The following CFAP47 variants were observed in gnomAD, a reference collection of about 807,000 sequenced individuals.
The protein encoded by CFAP47 is cilia- and flagella-associated protein 47.
CFAP47 carries 29 observed loss-of-function variants against 148.1 expected under a neutral mutation model. That is an observed-to-expected ratio of 0.20 (90% CI 0.15 to 0.27). CFAP47 has a LOEUF of 0.27. CFAP47 is among the 10% of genes least tolerant of loss of function. The pLI, the probability that CFAP47 is intolerant of heterozygous loss-of-function variation, is 1.00. For synonymous variants in CFAP47, 664 were observed against 577.3 expected (o/e 1.15, Z -2.15); for missense variants, 1,872 against 1,697.5 (o/e 1.10, Z -1.81).
chrX:36,169,172 T>A lies in CFAP47; in HGVS notation c.6026+8403T>A, dbSNP rs188725782. 2.4e-3 allele frequency among the ~76,000 whole-genome samples: 269 copies of A among 111,072 alleles called. 4 individuals carry two copies. The highest frequency in any genetic ancestry group is 8.2e-3 in the African/African-American group (253 of 30,697). On this transcript the variant is annotated intron_variant, in intron 39 of 63. Coordinates refer to ENST00000378653, the MANE Select transcript of CFAP47 (RefSeq NM_001304548.2). ...TTAAGGAGCCACTGTAGACACTGAG[T>A]CAATTTTGTATTGCTACTTACAAGA...
chrX:36,005,081 C>T (rs2146695866), intron 21 of CFAP47, among the ~76,000 whole-genome samples: 1 of 109,886 alleles, frequency 9.1e-6, no homozygotes, highest in African/African-American at 3.3e-5. Flanking sequence ...AAAATTGAGC[C>T]ATCTCTCTTT....
chrX:36,337,905 C>T (rs1265491868), intron 57 of CFAP47, among the ~76,000 whole-genome samples: 4 of 86,088 alleles, frequency 4.6e-5, no homozygotes, highest in African/African-American at 1.8e-4. Flanking sequence ...CTCGCTCTGT[C>T]GCCCAGGCTG....
intron 21 of CFAP47, among the ~76,000 whole-genome samples, chrX:36,012,984 CTT>C (rs1297140982): frequency 9.6e-6 from 1 of 104,203 alleles, no homozygotes; most frequent in African/African-American, 3.5e-5. Context: ...TTTAAGTTGT[CTT>C]TTTTTTTTTG....
chrX:36,208,124 A>G (rs1307498313), intron 45 of CFAP47, among the ~76,000 whole-genome samples: 1 of 111,561 alleles, frequency 9.0e-6, no homozygotes, highest in Non-Finnish European at 1.9e-5. Context: ...GACATGTTAG[A>G]AGAGCATATT....
chrX:36,379,606 G>A, intron 63 of CFAP47, 88 bp downstream of exon 63: 2 of 709,518 alleles, frequency 2.8e-6, no homozygotes, highest in South Asian at 2.7e-5. Context: ...ACTACATGGT[G>A]ACAGATAAAG....
At chrX:36,355,837 T>TA (rs1941781387) in intron 60 of CFAP47, among the ~76,000 whole-genome samples, 2 of 111,876 alleles carry the variant, frequency 1.8e-5, no homozygotes, top group South Asian at 7.4e-4. Context: ...AAATGCACTT[T>TA]AAAAATATTA....
intron 15 of CFAP47, among the ~76,000 whole-genome samples, chrX:35,979,746 G>A (rs919729318): frequency 1.8e-5 from 2 of 111,530 alleles, no homozygotes; most frequent in Admixed American, 9.6e-5. Flanking sequence ...ATAAATCTTA[G>A]CATAGTAAGA....
At chrX:36,240,920 G>A (rs1940536050) in intron 48 of CFAP47, among the ~76,000 whole-genome samples, 1 of 111,253 alleles carries the variant, frequency 9.0e-6, no homozygotes, top group African/African-American at 3.3e-5. Flanking sequence ...AATAGACACA[G>A]CCAAGAACTG....
chrX:36,348,674 G>A (rs1287498936), intron 58 of CFAP47, among the ~76,000 whole-genome samples: 3 of 110,855 alleles, frequency 2.7e-5, no homozygotes, highest in African/African-American at 9.8e-5. Flanking sequence ...GCTTGTCTGA[G>A]TGAAGTGAAT....
intron 22 of CFAP47, among the ~76,000 whole-genome samples, chrX:36,016,774 G>T (rs752558063): frequency 1.1e-5 from 1 of 90,488 alleles, no homozygotes; most frequent in African/African-American, 4.2e-5. Context: ...ATTTACATTC[G>T]CATCAACGAA....
intron 37 of CFAP47, 21 bp downstream of exon 37, chrX:36,149,244 T>C: frequency 3.4e-6 from 1 of 291,079 alleles, no homozygotes; most frequent in East Asian, 4.9e-5. Flanking sequence ...TTTTTAATTT[T>C]ACATTATCAG....
intron 20 of CFAP47, among the ~76,000 whole-genome samples, 173 bp downstream of exon 20, chrX:36,000,600 T>C (rs1161367783): frequency 8.9e-6 from 1 of 112,007 alleles, no homozygotes; most frequent in African/African-American, 3.2e-5. Context: ...TTTGTAGAAA[T>C]ACATCATTAT....
intron 57 of CFAP47, among the ~76,000 whole-genome samples, chrX:36,335,958 T>C (rs893799981): frequency 2.7e-5 from 3 of 111,202 alleles, no homozygotes; most frequent in African/African-American, 9.8e-5. Flanking sequence ...ATGAGAAAAC[T>C]GTAAAGGATA....
At chrX:36,104,424 T>A (rs772534154) in intron 32 of CFAP47, 75 bp from the exon 33 acceptor site, 6 of 417,111 alleles carry the variant, frequency 1.4e-5, no homozygotes, top group Non-Finnish European at 2.4e-5. Flanking sequence ...TCATGTTTTT[T>A]AAAATTTTCT....
At chrX:36,340,360 G>A (rs1941642012) in intron 57 of CFAP47, among the ~76,000 whole-genome samples, 1 of 111,908 alleles carries the variant, frequency 8.9e-6, no homozygotes, top group Admixed American at 9.5e-5. Context: ...AGAAAAGATA[G>A]TCTCATGAAT....
At chrX:35,988,559 C>T (rs188391600) in intron 15 of CFAP47, among the ~76,000 whole-genome samples, 15 of 111,985 alleles carry the variant, frequency 1.3e-4, no homozygotes, top group Non-Finnish European at 3.8e-5. Flanking sequence ...CATTCCATGA[C>T]AGTCAACCTG....
intron 60 of CFAP47, among the ~76,000 whole-genome samples, chrX:36,359,685 A>G (rs1237541926): frequency 9.0e-6 from 1 of 111,607 alleles, no homozygotes; most frequent in Non-Finnish European, 1.9e-5. Context: ...AGTACATTTT[A>G]TAAGTCAGGT....
intron 23 of CFAP47, among the ~76,000 whole-genome samples, chrX:36,031,996 G>A (rs191103247): frequency 9.0e-6 from 1 of 110,913 alleles, no homozygotes; most frequent in East Asian, 2.8e-4. Context: ...AAAAATAGCA[G>A]AGTGCTATAT....
chrX:36,371,108 G>A (rs1456020356), intron 62 of CFAP47, among the ~76,000 whole-genome samples: 6 of 111,674 alleles, frequency 5.4e-5, no homozygotes, highest in African/African-American at 2.0e-4. Flanking sequence ...AATATTTTAT[G>A]TGCATATAAG....
Sources: gnomAD v4.1 joint callset for allele counts (sites outside exome capture counted in the v4.1 genomes callset) on GRCh38, gnomAD v4.1.1 for gene constraint, MANE v1.5 for transcripts, NCBI Gene and HGNC (gene_info 2026-07-23, HGNC 2026-07-21) for gene names.